PREX2: variants seen among roughly 807,000 people sequenced by gnomAD.
PREX2 encodes phosphatidylinositol 3,4,5-trisphosphate-dependent Rac exchanger 2 protein.
A neutral mutation model predicts 203.2 loss-of-function variants in PREX2; 107 were observed. The observed-to-expected ratio is 0.53, with a 90% CI of 0.45 to 0.62. The LOEUF (loss-of-function observed/expected upper bound fraction) is 0.62. PREX2 is among the 20% of genes least tolerant of loss of function. PREX2 has a pLI of 0.00. For synonymous variants in PREX2, 672 were observed against 663.6 expected, an observed-to-expected ratio of 1.01 and a Z score of -0.19; for missense variants, 1,777 against 1,955.9, an observed-to-expected ratio of 0.91 and a Z score of 1.72.
At chr8:68,196,447 TTTAA>T (rs1439211676) in intron 37 of PREX2, among the ~76,000 whole-genome samples, 1 of 147,250 alleles carries the variant, frequency 6.8e-6, no homozygotes, top group Non-Finnish European at 1.5e-5. Context: ...TTTTTATATA[TTTAA>T]TAAAATGGAG....
intron 23 of PREX2, among the ~76,000 whole-genome samples, chr8:68,104,572 G>A (rs114426064): frequency 0.011 from 1,608 of 152,222 alleles, 25 homozygotes; most frequent in African/African-American, 0.037. Context: ...GTTACAACTG[G>A]TAATCCATTC....
chr8:68,221,050 T>G (rs1563593589), intron 38 of PREX2, among the ~76,000 whole-genome samples: 1 of 152,184 alleles, frequency 6.6e-6, no homozygotes, highest in East Asian at 1.9e-4. Context: ...CAGTATCTGT[T>G]GTTTCCATCT....
intron 35 of PREX2, among the ~76,000 whole-genome samples, chr8:68,191,419 C>T (rs905468271): frequency 6.6e-6 from 1 of 152,150 alleles, no homozygotes; most frequent in Non-Finnish European, 1.5e-5. Flanking sequence ...TGCATTAACT[C>T]ATTTAATCTT....
Position 68,224,592 on chromosome 8 carries a change from G to A in PREX2, c.4741G>A (p.Gly1581Arg). ...ARVQNTAKNL[G>R]VRDRTPQSAP... is the part of the protein sequence containing the mutation. The stretch of plus-strand genomic sequence containing the variant: ...AGTTCAGAACACAGCGAAGAATTTG[G>A]GAGTCAGAGACCGGACTCCACAGTC... The change falls in exon 39 of 40, where the codon GGA (glycine) becomes AGA (arginine). Residue 1581 changes from glycine (G) to arginine (R), a missense_variant. Coordinates refer to ENST00000288368, the MANE Select transcript of PREX2 (RefSeq NM_024870.4). 6.2e-7 allele frequency: 1 copy of A among 1,613,736 alleles called. No homozygotes were observed. Among genetic ancestry groups the A allele is most frequent in the Non-Finnish European group, 8.5e-7 (1 of 1,179,866 alleles).
chr8:68,219,484 A>G (rs542482300), intron 38 of PREX2, among the ~76,000 whole-genome samples: 4 of 152,178 alleles, frequency 2.6e-5, no homozygotes, highest in Admixed American at 1.3e-4. Flanking sequence ...TCCTGTTGGT[A>G]TATAAACTGC....
chr8:68,201,441 G>A lies in PREX2; in HGVS notation c.4604+8916G>A, dbSNP rs142198923. 2.9e-3 allele frequency among the ~76,000 whole-genome samples: 449 copies of A among 152,276 alleles called. 4 individuals are homozygous for A. Among genetic ancestry groups the A allele is most frequent in the Admixed American group, 0.018 (275 of 15,298 alleles). On this transcript the variant is annotated intron_variant, in intron 37 of 39. Transcript: ENST00000288368. ...CCACAATAGGCCGTCTGCAAGCTGA[G>A]GAGCAAGGAAGCCAGTTCAAGTCCC...
Position 68,053,142 on chromosome 8 carries a change from T to G in PREX2, c.989T>G (p.Ile330Arg). The change falls in exon 9 of 40, where the codon ATA (isoleucine) becomes AGA (arginine). Residue 330 changes from isoleucine to arginine, a missense_variant. Coordinates refer to ENST00000288368, the MANE Select transcript of PREX2 (RefSeq NM_024870.4). ...CACATTGTTGTTAATGGATGGAAGA[T>G]ACATAACACAGCAAAAAATAAATGG... ...SGHIVVNGWK[I>R]HNTAKNKWFV... is the part of the protein sequence containing the mutation. The G allele has an allele frequency of 6.2e-7, 1 of 1,613,558 alleles. No homozygotes were observed. The highest frequency in any genetic ancestry group is 8.5e-7 in the Non-Finnish European group (1 of 1,179,620).
chr8:68,030,868 T>C (rs924311428), intron 6 of PREX2, among the ~76,000 whole-genome samples: 44 of 152,218 alleles, frequency 2.9e-4, no homozygotes, highest in African/African-American at 1.1e-3. Context: ...ACCCAATAAG[T>C]TTGTGATGGA....
chr8:68,095,585 A>ATG (rs976811426), intron 21 of PREX2, among the ~76,000 whole-genome samples: 13 of 145,088 alleles, frequency 9.0e-5, no homozygotes, highest in African/African-American at 3.1e-4. Flanking sequence ...GTGTGTGTAT[A>ATG]TGTGTGTGTA....
chr8:67,959,083 G>A (rs1805562998), intron 1 of PREX2, among the ~76,000 whole-genome samples: 1 of 152,176 alleles, frequency 6.6e-6, no homozygotes, highest in Non-Finnish European at 1.5e-5. Context: ...ACAAAAGGTA[G>A]GATGTTGGAG....
intron 34 of PREX2, among the ~76,000 whole-genome samples, chr8:68,153,874 C>A (rs1331095141): frequency 1.3e-5 from 2 of 151,960 alleles, no homozygotes; most frequent in Non-Finnish European, 1.5e-5. Context: ...ATTTTAACTG[C>A]CTTGTTAATT....
chr8:67,972,013 A>G (rs565940514), intron 1 of PREX2, among the ~76,000 whole-genome samples: 1 of 152,370 alleles, frequency 6.6e-6, no homozygotes, highest in East Asian at 1.9e-4. Context: ...CAATTTGTGA[A>G]CATAAGCATA....
At chr8:68,229,984 GCTT>G (rs1397627782) in intron 39 of PREX2, among the ~76,000 whole-genome samples, 4 of 152,194 alleles carry the variant, frequency 2.6e-5, no homozygotes, top group South Asian at 4.1e-4. Context: ...GATGAAATAA[GCTT>G]CTTCTGATGT....
At position 68,090,716 on chromosome 8, in the gene PREX2, G is replaced by A; in HGVS notation, c.2250+1G>A. The A allele has an allele frequency of 6.2e-7, 1 of 1,612,640 alleles. No homozygotes were observed. On this transcript the variant is annotated splice_donor_variant, in intron 20 of 39. Transcript: ENST00000288368. LOFTEE classifies it high-confidence loss of function. Reference sequence around the variant, plus strand: ...CAGGAAGTACAGGCGGCCAACGAAGGTAAGTGGCCCTTCAGATAATCTGGA... The same window carrying A: ...CAGGAAGTACAGGCGGCCAACGAAGATAAGTGGCCCTTCAGATAATCTGGA...
In PREX2 at chr8:67,954,972, G is replaced by A. The variant is rs565581853; in HGVS notation, c.141+2437G>A. Among the ~76,000 whole-genome samples, 33 of 151,588 alleles carry A rather than the reference G, an allele frequency of 2.2e-4. No homozygotes were observed. The South Asian group carries it at 4.0e-3, about 18-fold the overall frequency. ...AGCCTGGCCAACATGGTGAAACCCC[G>A]TCTCTACTAAAAATACAAAAAATTA... On this transcript the variant is annotated intron_variant, in intron 1 of 39. Coordinates refer to ENST00000288368, the MANE Select transcript of PREX2 (RefSeq NM_024870.4).
intron 6 of PREX2, 92 bp downstream of exon 6, chr8:68,030,750 G>A (rs1563508967): frequency 8.0e-7 from 1 of 1,244,410 alleles, no homozygotes. Context: ...ACCATAAATG[G>A]TCATTTTCTC....
chr8:67,999,223 C>T (rs1431532671), intron 1 of PREX2, among the ~76,000 whole-genome samples: 2 of 151,744 alleles, frequency 1.3e-5, no homozygotes, highest in African/African-American at 4.8e-5. Context: ...AGATAGGCTG[C>T]TGGGTACACT....
intron 1 of PREX2, among the ~76,000 whole-genome samples, chr8:68,008,515 T>C (rs928523823): frequency 2.6e-5 from 4 of 152,162 alleles, no homozygotes; most frequent in African/African-American, 9.7e-5. Flanking sequence ...GTTTTAAGGA[T>C]GATGGTGGAC....
In PREX2 at chr8:68,072,561, A is replaced by G; in HGVS notation, c.1560A>G (p.Leu520=). ...VVMANKLIDW[L]IAQGDCRTRE... ...TGGCCAACAAACTGATAGACTGGTT[A>G]ATTGCACAGGTAAATAGACAAATAG... Residue 520 remains leucine (L), a synonymous_variant, in exon 14 of 40, where the codon TTA becomes TTG. Coordinates refer to ENST00000288368, the MANE Select transcript of PREX2 (RefSeq NM_024870.4). 1 of 1,577,692 alleles carries G rather than the reference A, an allele frequency of 6.3e-7. No individual in the cohort carries two copies. The highest frequency in any genetic ancestry group is 8.7e-7 in the Non-Finnish European group (1 of 1,147,600).
Sources: allele counts gnomAD v4.1 joint callset (sites outside exome capture counted in the v4.1 genomes callset), GRCh38; gene constraint gnomAD v4.1.1; transcripts MANE v1.5; gene names NCBI Gene and HGNC (gene_info 2026-07-23, HGNC 2026-07-21).